The following RAB38 variants were observed in gnomAD, a reference collection of about 807,000 sequenced individuals.
RAB38 encodes the protein ras-related protein Rab-38.
RAB38 carries 15 observed loss-of-function variants against 18.4 expected under a neutral mutation model. That is an observed-to-expected ratio of 0.82 (90% CI 0.55 to 1.26). The LOEUF is 1.26. Among genes scored for constraint, RAB38 ranks in the 50% most tolerant of loss-of-function variants. RAB38 has a pLI of 0.00. For missense variants in RAB38, 294 were observed against 267.4 expected (o/e 1.10, Z -0.69); for synonymous variants, 101 against 104.4 (o/e 0.97, Z 0.20).
chr11:87,850,708 A>G, the RAB38 span, among the ~76,000 whole-genome samples: 1 of 120,262 alleles, frequency 8.3e-6, no homozygotes, highest in East Asian at 2.3e-4. Flanking sequence ...CAATCCCACA[A>G]CACTGCCACA....
chr11:88,174,761 C>T (rs778905626), intron 1 of RAB38, among the ~76,000 whole-genome samples: 21 of 152,212 alleles, frequency 1.4e-4, no homozygotes, highest in Non-Finnish European at 2.6e-4. Context: ...GGAACTATCC[C>T]GGTTTCCTCT....
chr11:88,091,243 G>T, the RAB38 span, among the ~76,000 whole-genome samples: 1 of 151,978 alleles, frequency 6.6e-6, no homozygotes, highest in Non-Finnish European at 1.5e-5. Context: ...ATGAATCTTT[G>T]TGTGGGACCT....
the RAB38 span, among the ~76,000 whole-genome samples, chr11:87,827,699 A>G: frequency 6.6e-6 from 1 of 152,162 alleles, no homozygotes; most frequent in African/African-American, 2.4e-5. Flanking sequence ...TGTTTTCCCA[A>G]TGCTAAAATA....
the RAB38 span, among the ~76,000 whole-genome samples, chr11:88,057,007 A>G: frequency 1.3e-5 from 2 of 152,236 alleles, no homozygotes; most frequent in South Asian, 4.2e-4. Flanking sequence ...ATGGCCAGGT[A>G]CTAGGTATGA....
the RAB38 span, among the ~76,000 whole-genome samples, chr11:87,977,485 T>A: frequency 8.5e-5 from 4 of 47,136 alleles, 1 homozygote; most frequent in African/African-American, 2.0e-4. Flanking sequence ...TATATAATTA[T>A]ATATAATATA....
intron 1 of RAB38, among the ~76,000 whole-genome samples, chr11:88,153,822 T>C (rs1042438031): frequency 2.6e-5 from 4 of 152,098 alleles, no homozygotes; most frequent in Admixed American, 6.5e-5. Context: ...TTTCTTTTTT[T>C]CCCCCCAAGA....
chr11:88,005,993 A>G, the RAB38 span, among the ~76,000 whole-genome samples: 69,852 of 151,074 alleles, frequency 0.46, 16,606 homozygotes, highest in East Asian at 0.67. Context: ...GCTGTTTTAG[A>G]GACAACTGAC....
the RAB38 span, among the ~76,000 whole-genome samples, chr11:87,878,250 T>TATATACACACA: frequency 1.5e-3 from 110 of 75,020 alleles, 2 homozygotes; most frequent in South Asian, 0.017. Context: ...CACACACCTA[T>TATATACACACA]CATCTATCTA....
At chr11:87,822,399 C>T in the RAB38 span, among the ~76,000 whole-genome samples, 1 of 152,178 alleles carries the variant, frequency 6.6e-6, no homozygotes, top group African/African-American at 2.4e-5. Context: ...TTTACAGTTT[C>T]TGTGGGCCAA....
the RAB38 span, among the ~76,000 whole-genome samples, chr11:88,091,045 G>A: frequency 4.9e-3 from 748 of 152,070 alleles, 4 homozygotes; most frequent in African/African-American, 0.017. Context: ...ATGGGTGCTG[G>A]AGCAATAAAA....
chr11:88,093,137 G>C, the RAB38 span, among the ~76,000 whole-genome samples: 2 of 151,822 alleles, frequency 1.3e-5, no homozygotes, highest in Non-Finnish European at 2.9e-5. Flanking sequence ...TTGGCTTATT[G>C]AGAAAGCATA....
At chr11:88,097,122 GCCTTGTTTTGCACATAGACAAGAGACTTT>G in the RAB38 span, among the ~76,000 whole-genome samples, 7 of 151,790 alleles carry the variant, frequency 4.6e-5, no homozygotes, top group African/African-American at 1.7e-4. Flanking sequence ...ATTAAAACAG[GCCTTGTTTTGCACATAGACAAGAGACTTT>G]CCTTTCCATT....
At chr11:88,071,243 GACACACACACAC>G in the RAB38 span, among the ~76,000 whole-genome samples, 1 of 148,418 alleles carries the variant, frequency 6.7e-6, no homozygotes, top group Non-Finnish European at 1.5e-5. Context: ...ACTGGGGGAG[GACACACACACAC>G]ACACACACAC....
chr11:88,120,517 CAG>C (rs1438659489), intron 2 of RAB38, among the ~76,000 whole-genome samples: 1 of 152,118 alleles, frequency 6.6e-6, no homozygotes, highest in Non-Finnish European at 1.5e-5. Flanking sequence ...TGAAAGTTAC[CAG>C]AGTTTGGTGT....
intron 2 of RAB38, among the ~76,000 whole-genome samples, chr11:88,147,761 C>T (rs186573671): frequency 8.0e-4 from 122 of 151,936 alleles, no homozygotes; most frequent in East Asian, 3.9e-3. Context: ...GGTGTGGTGG[C>T]GGGCGCCTGT....
the RAB38 span, among the ~76,000 whole-genome samples, chr11:87,826,897 G>A: frequency 6.6e-6 from 1 of 152,184 alleles, no homozygotes; most frequent in Non-Finnish European, 1.5e-5. Flanking sequence ...GTAAGTGAAG[G>A]AAGAGGGGAG....
the RAB38 span, among the ~76,000 whole-genome samples, chr11:88,024,644 T>C: frequency 6.6e-6 from 1 of 152,276 alleles, no homozygotes; most frequent in African/African-American, 2.4e-5. Flanking sequence ...AAGAGTCCAT[T>C]AGCAGATGAA....
intron 2 of RAB38, among the ~76,000 whole-genome samples, chr11:88,131,956 C>T (rs1942771673): frequency 6.6e-6 from 1 of 152,170 alleles, no homozygotes; most frequent in South Asian, 2.1e-4. Context: ...ACAGCAACCC[C>T]CAGGCAACAG....
downstream of RAB38, among the ~76,000 whole-genome samples, chr11:88,108,856 G>C (rs1942436876): frequency 6.6e-6 from 1 of 152,078 alleles, no homozygotes; most frequent in Non-Finnish European, 1.5e-5. Flanking sequence ...CTCAGCATTT[G>C]CCTTGTCTCT....
Sources: gnomAD v4.1 joint callset for allele counts (sites outside exome capture counted in the v4.1 genomes callset) on GRCh38, gnomAD v4.1.1 for gene constraint, MANE v1.5 for transcripts, NCBI Gene and HGNC (gene_info 2026-07-23, HGNC 2026-07-21) for gene names.